Variants in OCA2 observed in about 807,000 individuals in gnomAD.
The protein encoded by OCA2 is P protein.
OCA2 carries 77 observed loss-of-function variants against 100.2 expected under a neutral mutation model. The ratio of observed to expected loss-of-function variants is 0.77; its 90% CI spans 0.64 to 0.93. The LOEUF (loss-of-function observed/expected upper bound fraction) is 0.93, where lower values mean the gene tolerates loss of function less well. Among genes scored for constraint, OCA2 ranks in the 40% least tolerant of loss-of-function variants. The pLI, the probability that OCA2 is intolerant of heterozygous loss-of-function variation, is 0.00. For missense variants in OCA2, 1,062 were observed against 1,089.1 expected, an observed-to-expected ratio of 0.98 and a Z score of 0.35; for synonymous variants, 432 against 439.2, an observed-to-expected ratio of 0.98 and a Z score of 0.21.
At chr15:28,067,335 C>T (rs2044055580) in intron 2 of OCA2, among the ~76,000 whole-genome samples, 1 of 151,916 alleles carries the variant, frequency 6.6e-6, no homozygotes, top group Non-Finnish European at 1.5e-5. Context: ...ATTGATCTTT[C>T]GTATGGATTT....
intron 19 of OCA2, among the ~76,000 whole-genome samples, chr15:27,906,667 T>G (rs183483773): frequency 6.6e-6 from 1 of 152,036 alleles, no homozygotes; most frequent in Non-Finnish European, 1.5e-5. Context: ...ACAATCAGAC[T>G]GACATCAGGT....
intron 23 of OCA2, among the ~76,000 whole-genome samples, chr15:27,796,279 TG>T (rs1284775900): frequency 6.6e-6 from 1 of 152,260 alleles, no homozygotes; most frequent in Non-Finnish European, 1.5e-5. Flanking sequence ...CACAGTATGA[TG>T]GGAAAGGCTT....
At chr15:27,771,545 A>G (rs926279544) in intron 23 of OCA2, among the ~76,000 whole-genome samples, 5 of 152,168 alleles carry the variant, frequency 3.3e-5, no homozygotes, top group Non-Finnish European at 5.9e-5. Flanking sequence ...TGACTTTGAG[A>G]CTTGTGTTCC....
At chr15:27,884,153 G>A (rs553977299) in intron 19 of OCA2, among the ~76,000 whole-genome samples, 2 of 152,302 alleles carry the variant, frequency 1.3e-5, no homozygotes, top group South Asian at 4.1e-4. Flanking sequence ...AAGCCAAGGT[G>A]GGCAGATCAC....
chr15:28,096,314 C>T (rs1399980105), intron 1 of OCA2, among the ~76,000 whole-genome samples: 3 of 151,782 alleles, frequency 2.0e-5, no homozygotes, highest in Non-Finnish European at 4.4e-5. Context: ...GGTCGTGTCT[C>T]CGGGGGCGTG....
At chr15:27,999,517 T>C (rs2041861366) in intron 9 of OCA2, among the ~76,000 whole-genome samples, 1 of 152,198 alleles carries the variant, frequency 6.6e-6, no homozygotes, top group Non-Finnish European at 1.5e-5. Context: ...TTATACTCCA[T>C]AGTGAAAAGC....
chr15:28,071,676 C>T (rs759646801), intron 2 of OCA2, among the ~76,000 whole-genome samples: 13 of 152,192 alleles, frequency 8.5e-5, no homozygotes, highest in Non-Finnish European at 8.8e-5. Flanking sequence ...GGAGAGGACT[C>T]CCTATTCAAT....
chr15:27,779,445 G>A (rs953370628), intron 23 of OCA2, among the ~76,000 whole-genome samples: 1 of 152,168 alleles, frequency 6.6e-6, no homozygotes, highest in Non-Finnish European at 1.5e-5. Context: ...GTGCTCTAAT[G>A]TTGGGTGCAT....
intron 2 of OCA2, among the ~76,000 whole-genome samples, chr15:28,039,884 T>A (rs778135334): frequency 6.6e-6 from 1 of 152,062 alleles, no homozygotes; most frequent in East Asian, 1.9e-4. Context: ...AATAAAAAAA[T>A]AGCCGGGTGT....
intron 19 of OCA2, among the ~76,000 whole-genome samples, chr15:27,889,046 G>A (rs531853412): frequency 1.2e-4 from 19 of 152,296 alleles, no homozygotes; most frequent in South Asian, 2.1e-4. Flanking sequence ...CCTAGAAGGC[G>A]TCATGTCTGA....
chr15:27,880,932 T>C (rs12441496), intron 19 of OCA2, among the ~76,000 whole-genome samples: 52,896 of 152,022 alleles, frequency 0.35, 9,592 homozygotes, highest in Middle Eastern at 0.52. Flanking sequence ...TTGTCTTATG[T>C]CAGTTTTCAA....
chr15:27,949,761 G>A (rs1456354182), intron 18 of OCA2, among the ~76,000 whole-genome samples: 3 of 152,292 alleles, frequency 2.0e-5, no homozygotes, highest in South Asian at 2.1e-4. Context: ...CTGAAGACCC[G>A]GGAAGATCTT....
intron 23 of OCA2, among the ~76,000 whole-genome samples, chr15:27,800,259 A>G (rs544422659): frequency 1.3e-5 from 2 of 152,342 alleles, no homozygotes; most frequent in African/African-American, 4.8e-5. Context: ...AAAAAGTGTC[A>G]TATCAATGAC....
chr15:28,007,638 G>A (rs965405263), intron 9 of OCA2, among the ~76,000 whole-genome samples: 2 of 152,006 alleles, frequency 1.3e-5, no homozygotes, highest in African/African-American at 4.8e-5. Context: ...GCTGAGGCAG[G>A]AGAACTGCTT....
chr15:27,790,377 G>A (rs1595414269), intron 23 of OCA2, among the ~76,000 whole-genome samples: 1 of 152,230 alleles, frequency 6.6e-6, no homozygotes, highest in Non-Finnish European at 1.5e-5. Context: ...CCATTGCTAG[G>A]TGAGAGAAAT....
At chr15:27,971,219 C>G (rs1258423464) in intron 14 of OCA2, among the ~76,000 whole-genome samples, 3 of 152,128 alleles carry the variant, frequency 2.0e-5, no homozygotes, top group Admixed American at 6.5e-5. Flanking sequence ...GCCCAGCGCA[C>G]AGTATAGTGG....
intron 23 of OCA2, among the ~76,000 whole-genome samples, chr15:27,800,388 A>G (rs12438618): frequency 0.54 from 81,363 of 151,646 alleles, 22,354 homozygotes; most frequent in South Asian, 0.76. Flanking sequence ...ACAGAATGAA[A>G]TCGAAGGCAT....
At chr15:27,950,140 A>G (rs2039981729) in intron 18 of OCA2, among the ~76,000 whole-genome samples, 1 of 152,182 alleles carries the variant, frequency 6.6e-6, no homozygotes, top group Non-Finnish European at 1.5e-5. Context: ...TAATACAAAG[A>G]CTGTTGCCAA....
chr15:27,822,610 G>A (rs899214804), intron 23 of OCA2, among the ~76,000 whole-genome samples: 11 of 152,058 alleles, frequency 7.2e-5, no homozygotes, highest in Non-Finnish European at 1.0e-4. Context: ...GTAAAATGGC[G>A]CTGTGGTTTT....
Sources: allele counts gnomAD v4.1 joint callset (sites outside exome capture counted in the v4.1 genomes callset), GRCh38; gene constraint gnomAD v4.1.1; transcripts MANE v1.5; gene names NCBI Gene and HGNC (gene_info 2026-07-23, HGNC 2026-07-21).